MYO16: variants seen among roughly 807,000 people sequenced by gnomAD.
MYO16 encodes myosin XVI.
In MYO16, 94 loss-of-function variants were observed where a neutral mutation model predicts 205.3. That is an observed-to-expected ratio of 0.46 (90% CI 0.39 to 0.54). MYO16 has a LOEUF of 0.54. Ranked by LOEUF, MYO16 falls within the 20% of genes least tolerant of loss-of-function variation. MYO16 has a pLI of 0.00. For missense variants in MYO16, 2,315 were observed against 2,387.5 expected, an observed-to-expected ratio of 0.97 and a Z score of 0.63; for synonymous variants, 988 against 954.0, an observed-to-expected ratio of 1.04 and a Z score of -0.66.
At chr13:108,661,716 T>C (rs1386945800) in intron 1 of MYO16, among the ~76,000 whole-genome samples, 3 of 152,210 alleles carry the variant, frequency 2.0e-5, no homozygotes, top group African/African-American at 7.2e-5. Context: ...TTTCCTTGCA[T>C]TGGGCTTTCA....
chr13:108,550,396 T>C, the MYO16 span, among the ~76,000 whole-genome samples: 1 of 152,220 alleles, frequency 6.6e-6, no homozygotes, highest in Admixed American at 6.5e-5. Context: ...AGCCTCCAAG[T>C]AGTGTTGATG....
chr13:108,695,234 G>A (rs766971718), intron 2 of MYO16, among the ~76,000 whole-genome samples: 3 of 151,848 alleles, frequency 2.0e-5, no homozygotes, highest in Non-Finnish European at 2.9e-5. Context: ...TCATTATTTT[G>A]CATGTGGATA....
intron 11 of MYO16, among the ~76,000 whole-genome samples, chr13:108,861,931 G>C (rs1254969290): frequency 6.6e-6 from 1 of 152,092 alleles, no homozygotes; most frequent in Non-Finnish European, 1.5e-5. Flanking sequence ...AAGAAGCAAA[G>C]TGTACAATTT....
intron 21 of MYO16, among the ~76,000 whole-genome samples, chr13:108,994,793 T>G (rs928144331): frequency 3.9e-5 from 6 of 152,194 alleles, no homozygotes; most frequent in Admixed American, 3.9e-4. Flanking sequence ...TCAATTGAAG[T>G]TTAAAGAAGA....
the MYO16 span, among the ~76,000 whole-genome samples, chr13:108,521,778 T>C: frequency 5.1e-4 from 78 of 152,250 alleles, 1 homozygote; most frequent in South Asian, 0.016. Context: ...CAACAAAATC[T>C]GAATGTGGAA....
chr13:109,206,590 G>A lies in MYO16; in HGVS notation c.5416-19G>A. On this transcript the variant is annotated intron_variant, in intron 34 of 34. Coordinates refer to ENST00000457511, the MANE Select transcript of MYO16 (RefSeq NM_001198950.3). ...ATATTTGGTGCTACCTGTTTTTTCT[G>A]CCCCTCTTCCTCCCACAGGTAATCC... 1.9e-6 allele frequency: 3 copies of A among 1,581,448 alleles called. No homozygotes were observed. The highest frequency in any genetic ancestry group is 2.6e-6 in the Non-Finnish European group (3 of 1,156,140).
At chr13:108,500,537 G>C in the MYO16 span, among the ~76,000 whole-genome samples, 1 of 151,926 alleles carries the variant, frequency 6.6e-6, no homozygotes, top group Non-Finnish European at 1.5e-5. Flanking sequence ...CTTGATTACT[G>C]TTCGTTGGTT....
chr13:109,092,581 G>GT (rs1317697884), intron 27 of MYO16, among the ~76,000 whole-genome samples: 7 of 152,172 alleles, frequency 4.6e-5, no homozygotes, highest in African/African-American at 1.7e-4. Context: ...AGGGAGAAAG[G>GT]TGGGAAGAGG....
intron 4 of MYO16, among the ~76,000 whole-genome samples, chr13:108,777,010 G>T (rs1270957854): frequency 6.6e-6 from 1 of 152,122 alleles, no homozygotes; most frequent in African/African-American, 2.4e-5. Flanking sequence ...CAATAGCTAA[G>T]ATAGGCTGTG....
chr13:108,750,675 C>A (rs146473188), intron 4 of MYO16, among the ~76,000 whole-genome samples: 1 of 151,344 alleles, frequency 6.6e-6, no homozygotes, highest in Non-Finnish European at 1.5e-5. Flanking sequence ...AGCGTGGTGG[C>A]GTGCACCTAT....
At chr13:108,898,171 G>C (rs372063528) in intron 15 of MYO16, 38 bp downstream of exon 15, 4 of 1,499,872 alleles carry the variant, frequency 2.7e-6, no homozygotes, top group East Asian at 4.5e-5. Flanking sequence ...TTCCTGTGCC[G>C]AGCCAGCATG....
intron 23 of MYO16, among the ~76,000 whole-genome samples, chr13:109,033,532 A>G (rs2139561652): frequency 6.6e-6 from 1 of 152,332 alleles, no homozygotes; most frequent in South Asian, 2.1e-4. Flanking sequence ...GTCAGCAACA[A>G]GACAGAGTAG....
chr13:108,818,259 C>T (rs1039224128), intron 7 of MYO16, among the ~76,000 whole-genome samples: 4 of 151,476 alleles, frequency 2.6e-5, no homozygotes, highest in Admixed American at 6.6e-5. Context: ...TGGTGCATGC[C>T]GGCAATCCCA....
chr13:108,872,715 T>C (rs1200062501), intron 12 of MYO16, among the ~76,000 whole-genome samples: 1 of 151,920 alleles, frequency 6.6e-6, no homozygotes, highest in African/African-American at 2.4e-5. Context: ...AATTTGCATA[T>C]GTATATATAC....
chr13:108,815,508 C>A (rs888012985), intron 7 of MYO16, among the ~76,000 whole-genome samples: 2 of 152,060 alleles, frequency 1.3e-5, no homozygotes, highest in African/African-American at 2.4e-5. Flanking sequence ...GGGGAGGGAC[C>A]ATTAACCAAG....
chr13:108,638,205 A>G (rs970817392), intron 1 of MYO16, among the ~76,000 whole-genome samples: 1 of 152,230 alleles, frequency 6.6e-6, no homozygotes, highest in African/African-American at 2.4e-5. Flanking sequence ...CAGAGGGAAC[A>G]GCAAGTTCGA....
chr13:108,846,472 A>G (rs1877526026), intron 10 of MYO16, among the ~76,000 whole-genome samples: 1 of 150,630 alleles, frequency 6.6e-6, no homozygotes, highest in Non-Finnish European at 1.5e-5. Context: ...TTATATATAT[A>G]TACATACATA....
chr13:109,173,098 T>C (rs1322300408), intron 33 of MYO16, among the ~76,000 whole-genome samples: 1 of 152,130 alleles, frequency 6.6e-6, no homozygotes, highest in Non-Finnish European at 1.5e-5. Flanking sequence ...CAAAATAATA[T>C]GAAGGGCAGG....
At chr13:109,160,026 A>C (rs567976978) in intron 32 of MYO16, among the ~76,000 whole-genome samples, 2 of 152,188 alleles carry the variant, frequency 1.3e-5, no homozygotes, top group Non-Finnish European at 2.9e-5. Flanking sequence ...TACAATGGAC[A>C]TTCTGAGCTG....
Sources: gnomAD v4.1 joint callset for allele counts (sites outside exome capture counted in the v4.1 genomes callset) on GRCh38, gnomAD v4.1.1 for gene constraint, MANE v1.5 for transcripts, NCBI Gene and HGNC (gene_info 2026-07-23, HGNC 2026-07-21) for gene names.